The following NTM variants were observed in gnomAD, a reference collection of about 807,000 sequenced individuals.
NTM encodes IgLON family member 2.
A neutral mutation model predicts 42.1 loss-of-function variants in NTM; 13 were observed. The observed-to-expected ratio is 0.31, with a 90% CI of 0.20 to 0.49. The LOEUF is 0.49. Among genes scored for constraint, NTM ranks in the 20% least tolerant of loss-of-function variants. NTM has a pLI of 0.99. For missense variants in NTM, 373 were observed against 452.8 expected, an observed-to-expected ratio of 0.82 and a Z score of 1.60; for synonymous variants, 187 against 179.2, an observed-to-expected ratio of 1.04 and a Z score of -0.35.
intron 1 of NTM, among the ~76,000 whole-genome samples, chr11:131,678,652 TTC>T (rs914845468): frequency 6.6e-6 from 1 of 152,214 alleles, no homozygotes; most frequent in Non-Finnish European, 1.5e-5. Context: ...CTTTTCTTCC[TTC>T]TCTCTCTCTT....
At chr11:131,628,742 G>A (rs893688149) in intron 1 of NTM, among the ~76,000 whole-genome samples, 2 of 152,238 alleles carry the variant, frequency 1.3e-5, no homozygotes, top group Non-Finnish European at 2.9e-5. Flanking sequence ...AAACTGGAAA[G>A]GACCTTCCTC....
intron 1 of NTM, among the ~76,000 whole-genome samples, chr11:131,858,492 T>A (rs1206294219): frequency 6.6e-6 from 1 of 152,234 alleles, no homozygotes; most frequent in Non-Finnish European, 1.5e-5. Flanking sequence ...CAGTATTTTT[T>A]GAGTAAATCA....
intron 1 of NTM, among the ~76,000 whole-genome samples, chr11:131,373,421 C>G (rs1374163247): frequency 1.3e-5 from 2 of 152,066 alleles, no homozygotes; most frequent in Non-Finnish European, 2.9e-5. Flanking sequence ...GGTTAGGAAC[C>G]CCTCCCTGAC....
chr11:131,867,830 A>C (rs1322237415), intron 1 of NTM, among the ~76,000 whole-genome samples: 1 of 152,170 alleles, frequency 6.6e-6, no homozygotes, highest in African/African-American at 2.4e-5. Context: ...TTTACACACA[A>C]GCACAGGCCA....
At chr11:131,481,038 G>A (rs1057225091) in intron 1 of NTM, among the ~76,000 whole-genome samples, 1 of 152,112 alleles carries the variant, frequency 6.6e-6, no homozygotes, top group African/African-American at 2.4e-5. Flanking sequence ...CTAGACCGAT[G>A]ACTGCATATA....
chr11:131,804,592 T>C (rs1323318426), intron 1 of NTM, among the ~76,000 whole-genome samples: 1 of 152,166 alleles, frequency 6.6e-6, no homozygotes. Context: ...CGACACAGTC[T>C]TTATCATCTT....
chr11:131,501,564 C>A (rs1200346875), intron 1 of NTM, among the ~76,000 whole-genome samples: 1 of 152,144 alleles, frequency 6.6e-6, no homozygotes, highest in Non-Finnish European at 1.5e-5. Flanking sequence ...AAGCTGTGAT[C>A]TGATTTATAT....
chr11:131,422,069 A>T (rs7481514), intron 1 of NTM, among the ~76,000 whole-genome samples: 4 of 152,024 alleles, frequency 2.6e-5, no homozygotes, highest in African/African-American at 9.7e-5. Flanking sequence ...CATTTTGTCC[A>T]CAACGTAGTT....
intron 1 of NTM, among the ~76,000 whole-genome samples, chr11:131,641,725 C>G (rs1414976831): frequency 1.9e-5 from 2 of 105,126 alleles, no homozygotes; most frequent in Admixed American, 1.4e-4. Context: ...CTCTAATAGT[C>G]TAGATTTTTT....
At chr11:132,303,446 G>GT (rs1168831884) in intron 4 of NTM, among the ~76,000 whole-genome samples, 1 of 152,140 alleles carries the variant, frequency 6.6e-6, no homozygotes, top group Non-Finnish European at 1.5e-5. Flanking sequence ...CCCTTTCTCT[G>GT]TGCATGTCTG....
At chr11:131,760,660 T>G (rs1368969110) in intron 1 of NTM, among the ~76,000 whole-genome samples, 5 of 152,026 alleles carry the variant, frequency 3.3e-5, no homozygotes, top group Non-Finnish European at 7.4e-5. Flanking sequence ...AGACAGTCAG[T>G]GCTGTGTGGG....
At chr11:131,674,048 C>T (rs962090518) in intron 1 of NTM, among the ~76,000 whole-genome samples, 2 of 152,194 alleles carry the variant, frequency 1.3e-5, no homozygotes, top group Non-Finnish European at 2.9e-5. Flanking sequence ...ATTTTACAAC[C>T]TTGATACTTC....
chr11:132,109,750 A>G (rs530177130), intron 2 of NTM, among the ~76,000 whole-genome samples: 1 of 152,192 alleles, frequency 6.6e-6, no homozygotes, highest in East Asian at 1.9e-4. Context: ...TGTGCACAGC[A>G]TTGTGTACTG....
intron 4 of NTM, among the ~76,000 whole-genome samples, chr11:132,267,581 C>T (rs1331840123): frequency 3.3e-5 from 5 of 151,290 alleles, no homozygotes; most frequent in African/African-American, 7.3e-5. Context: ...TTTGGGAGGC[C>T]GAGGTGGGTG....
Position 131,923,739 on chromosome 11 carries a change from G to A in NTM, c.167+12091G>A, listed in dbSNP as rs149426855. Among the ~76,000 whole-genome samples the A allele has an allele frequency of 4.2e-3, 642 of 152,294 alleles. 8 individuals carry two copies. The highest frequency in any genetic ancestry group is 0.014 in the African/African-American group (595 of 41,566). On this transcript the variant is annotated intron_variant, in intron 2 of 8. Transcript: ENST00000683400. ...TCAGGCTGTGAGCCTGAAGTTTCAC[G>A]CGTCATTCAATGTCCAATCTTTCAT... is the stretch of plus-strand genomic sequence containing the variant.
rs188436923 is a variant in NTM, at chr11:131,827,181, C to A, written c.83-84383C>A. 3.3e-5 allele frequency among the ~76,000 whole-genome samples: 5 copies of A among 152,124 alleles called. No individual in the cohort carries two copies. In the East Asian group the frequency reaches 9.6e-4, roughly 29 times the overall value. ...GGGGAAAATAAATAGAAAACAAAATCAACAAACATAAAATGGAATTACATA... is the reference window on the plus strand; with the variant it reads ...GGGGAAAATAAATAGAAAACAAAATAAACAAACATAAAATGGAATTACATA... On this transcript the variant is annotated intron_variant, in intron 1 of 8. Coordinates refer to ENST00000683400, the MANE Select transcript of NTM (RefSeq NM_001352005.2).
At chr11:131,960,979 C>T (rs928947855) in intron 2 of NTM, among the ~76,000 whole-genome samples, 1 of 152,158 alleles carries the variant, frequency 6.6e-6, no homozygotes, top group African/African-American at 2.4e-5. Flanking sequence ...TGGACAACAG[C>T]GTCTTCAACC....
At chr11:132,159,589 A>G (rs1194108377) in intron 3 of NTM, among the ~76,000 whole-genome samples, 3 of 152,204 alleles carry the variant, frequency 2.0e-5, no homozygotes, top group African/African-American at 7.2e-5. Context: ...CTTTTTAAAT[A>G]GGAGAAGCTA....
intron 1 of NTM, among the ~76,000 whole-genome samples, chr11:131,887,735 G>A (rs934412247): frequency 6.6e-6 from 1 of 152,164 alleles, no homozygotes; most frequent in Non-Finnish European, 1.5e-5. Context: ...TCCCCATTAA[G>A]TTATGAGCCA....
Sources: allele counts gnomAD v4.1 joint callset (sites outside exome capture counted in the v4.1 genomes callset), GRCh38; gene constraint gnomAD v4.1.1; transcripts MANE v1.5; gene names NCBI Gene and HGNC (gene_info 2026-07-23, HGNC 2026-07-21).